TRAPPC6A: variants seen among roughly 807,000 people sequenced by gnomAD.
The protein encoded by TRAPPC6A is trafficking protein particle complex subunit 6A, also known as TRAPP complex subunit 6A.
TRAPPC6A carries 25 observed loss-of-function variants against 20.8 expected under a neutral mutation model. That is an observed-to-expected ratio of 1.20 (90% CI 0.88 to 1.68). TRAPPC6A has a LOEUF of 1.68. Ranked by LOEUF, TRAPPC6A falls within the 40% of genes most tolerant of loss-of-function variation. The pLI is 0.00. For synonymous variants in TRAPPC6A, 96 were observed against 93.3 expected (o/e 1.03, Z -0.16); for missense variants, 215 against 211.6 (o/e 1.02, Z -0.10).
intron 1 of TRAPPC6A, 61 bp from the exon 2 acceptor site, chr19:45,165,255 A>G: frequency 1.3e-6 from 2 of 1,514,276 alleles, no homozygotes; most frequent in South Asian, 2.4e-5. Flanking sequence ...GGGGCCACCC[A>G]GGGGGGGACC....
At chr19:45,171,421 C>G (rs1401797383) in intron 1 of TRAPPC6A, among the ~76,000 whole-genome samples, 1 of 152,194 alleles carries the variant, frequency 6.6e-6, no homozygotes, top group Non-Finnish European at 1.5e-5. Context: ...TGGGGCTCCC[C>G]ACGCCTGCCT....
intron 3 of TRAPPC6A, 159 bp downstream of exon 3, chr19:45,164,694 T>G: frequency 1.4e-6 from 1 of 690,554 alleles, no homozygotes; most frequent in Non-Finnish European, 2.5e-6. Flanking sequence ...GCCTCCTGGC[T>G]TCCCTTAGAG....
At position 45,173,776 on chromosome 19, in the gene TRAPPC6A, C is replaced by T. The variant is rs1312137365; in HGVS notation, c.84+4359G>A. Among the ~76,000 whole-genome samples the T allele has an allele frequency of 6.6e-6, 1 of 152,132 alleles. No homozygotes were observed. The highest frequency in any genetic ancestry group is 1.5e-5 in the Non-Finnish European group (1 of 68,008). On this transcript the variant is annotated intron_variant, in intron 1 of 5. Coordinates refer to ENST00000585934, the MANE Select transcript of TRAPPC6A (RefSeq NM_001270891.2). This position sits in a 1 kb window ranked among gnomAD's most constrained non-coding sequence, Gnocchi z 4.8. ...GACAGGCCCCCTGAAAAACGGGGCT[C>T]CCCAGGAGGAAGGAGTGAGGGGAAA...
At chr19:45,174,750 GC>G (rs1969329741) in intron 1 of TRAPPC6A, among the ~76,000 whole-genome samples, 1 of 151,958 alleles carries the variant, frequency 6.6e-6, no homozygotes, top group African/African-American at 2.4e-5. Context: ...GATCACTTGA[GC>G]CCAGGAGTGT....
chr19:45,176,891 G>A (rs1235806899), intron 1 of TRAPPC6A, among the ~76,000 whole-genome samples: 2 of 150,380 alleles, frequency 1.3e-5, no homozygotes, highest in African/African-American at 2.5e-5. Flanking sequence ...AAAATTGGCC[G>A]GGTGCAGTGG....
chr19:45,164,603 C>T (rs991412155), intron 3 of TRAPPC6A: 11 of 587,988 alleles, frequency 1.9e-5, no homozygotes, highest in East Asian at 1.1e-4. Context: ...GGCAGGCAGC[C>T]ACCAGGGGCT....
intron 4 of TRAPPC6A, 35 bp from the exon 5 acceptor site, chr19:45,164,044 G>C (rs1434723905): frequency 2.1e-5 from 33 of 1,558,170 alleles, no homozygotes; most frequent in Non-Finnish European, 2.8e-5. Context: ...TGGGAAGAGA[G>C]GGGAGGCCAG....
In TRAPPC6A at chr19:45,163,272, G is replaced by T; in HGVS notation, c.449-49C>A. ...GCTTGAGGATGGGATGGGGGAGGCA[G>T]AGGGCACCTGGACGGCTCTTAGGCG... On this transcript the variant is annotated intron_variant, in intron 5 of 5. Transcript: ENST00000585934. The surrounding 1 kb of genome is among the most constrained non-coding windows in gnomAD (Gnocchi z 5.3). The T allele has an allele frequency of 6.2e-7, 1 of 1,607,480 alleles. No homozygotes were observed. The highest frequency in any genetic ancestry group is 1.1e-5 in the South Asian group (1 of 90,742).
chr19:45,165,337 A>G (rs2122825878), intron 1 of TRAPPC6A, 143 bp from the exon 2 acceptor site: 1 of 794,672 alleles, frequency 1.3e-6, no homozygotes, highest in Non-Finnish European at 2.1e-6. Context: ...GCTCTGGCAC[A>G]GCCCGGCCAG....
At position 45,165,098 on chromosome 19, in the gene TRAPPC6A, T is replaced by TG. The variant is rs1969120835; in HGVS notation, c.152+28dup. The TG allele has an allele frequency of 3.7e-6, 6 of 1,612,690 alleles. No homozygotes were observed. In the East Asian group the frequency reaches 1.3e-4, roughly 36 times the overall value. ...GCCTGCCCAGCCCTGCCAGCCAGGC[T>TG]GGGGGAGAGCAGGAGGGGCCGCGCT... On this transcript the variant is annotated intron_variant, in intron 2 of 5. Transcript: ENST00000585934.
chr19:45,177,185 G>A (rs1027852937), intron 1 of TRAPPC6A, among the ~76,000 whole-genome samples: 3 of 113,842 alleles, frequency 2.6e-5, no homozygotes, highest in African/African-American at 9.4e-5. Flanking sequence ...CAGGATGCGC[G>A]TGCGCGCACA....
intron 3 of TRAPPC6A, 69 bp from the exon 4 acceptor site, chr19:45,164,316 G>A: frequency 9.5e-7 from 1 of 1,052,960 alleles, no homozygotes. Context: ...AGGGTAAGCA[G>A]GAACCCAGGT....
Position 45,163,828 on chromosome 19 carries a change from C to T in TRAPPC6A, c.448+88G>A, listed in dbSNP as rs993253077. ...GTGACTTAAAACTGGGCCTGCCTCC[C>T]AGGCACACACACAGGAGTGGGGCTG... On this transcript the variant is annotated intron_variant, in intron 5 of 5. Coordinates refer to ENST00000585934, the MANE Select transcript of TRAPPC6A (RefSeq NM_001270891.2). The surrounding 1 kb of genome is among the most constrained non-coding windows in gnomAD (Gnocchi z 5.3). 73 of 1,222,900 alleles carry T rather than the reference C, an allele frequency of 6.0e-5. No individual in the cohort carries two copies. In the Middle Eastern group the frequency reaches 7.6e-4, roughly 13 times the overall value. The allele number at this position is 1,222,900 out of a possible 1,614,324, so 75.8% of individuals were successfully genotyped here.
At chr19:45,177,526 T>G (rs1969415317) in intron 1 of TRAPPC6A, among the ~76,000 whole-genome samples, 1 of 151,964 alleles carries the variant, frequency 6.6e-6, no homozygotes, top group African/African-American at 2.4e-5. Flanking sequence ...GACACGGGGT[T>G]TCACCATGGC....
rs766340151 is a variant in TRAPPC6A, at chr19:45,178,134, C to G, written c.84+1G>C. 78 of 1,612,970 alleles carry G rather than the reference C, an allele frequency of 4.8e-5. No homozygotes were observed. The highest frequency in any genetic ancestry group is 6.3e-5 in the Non-Finnish European group (74 of 1,179,388). On this transcript the variant is annotated splice_donor_variant, in intron 1 of 5. Transcript: ENST00000585934. LOFTEE classifies it high-confidence loss of function. Reference sequence around the variant, plus strand: ...TCCTCCCCACGGAGCCCGGCGCTCACCCCCGGGCCGGGGTCGGGGTCGTGA... The same window carrying G: ...TCCTCCCCACGGAGCCCGGCGCTCAGCCCCGGGCCGGGGTCGGGGTCGTGA...
chr19:45,166,712 G>A (rs574105940), intron 1 of TRAPPC6A, among the ~76,000 whole-genome samples: 13 of 152,092 alleles, frequency 8.5e-5, no homozygotes, highest in Non-Finnish European at 1.9e-4. Context: ...TCACCCTCCC[G>A]CTGGCTGCTC....
At chr19:45,177,907 G>A (rs1156419383) in intron 1 of TRAPPC6A, among the ~76,000 whole-genome samples, 1 of 152,200 alleles carries the variant, frequency 6.6e-6, no homozygotes, top group Non-Finnish European at 1.5e-5. Flanking sequence ...GCTTACTCAG[G>A]CCTTGAGCTA....
intron 1 of TRAPPC6A, among the ~76,000 whole-genome samples, chr19:45,167,593 C>T (rs2122833920): frequency 6.6e-6 from 1 of 152,338 alleles, no homozygotes; most frequent in Non-Finnish European, 1.5e-5. Flanking sequence ...AGTGAATCTC[C>T]TGCCTCAGCC....
chr19:45,178,072 C>T (rs1324805130), intron 1 of TRAPPC6A, 63 bp downstream of exon 1: 1 of 1,609,124 alleles, frequency 6.2e-7, no homozygotes, highest in East Asian at 2.2e-5. Context: ...GACGCGCCCT[C>T]CGCTCTCCCA....
Sources: allele counts gnomAD v4.1 joint callset (sites outside exome capture counted in the v4.1 genomes callset), GRCh38; gene constraint gnomAD v4.1.1; non-coding constraint Gnocchi (gnomAD v3.1); transcripts MANE v1.5; gene names NCBI Gene and HGNC (gene_info 2026-07-23, HGNC 2026-07-21).